SLC25A23: variants seen among roughly 807,000 people sequenced by gnomAD.
The protein encoded by SLC25A23 is mitochondrial adenyl nucleotide antiporter SLC25A23.
In SLC25A23, 32 loss-of-function variants were observed where a neutral mutation model predicts 53.9. The observed-to-expected ratio is 0.59, with a 90% confidence interval of 0.45 to 0.80. The LOEUF is 0.80. Ranked by LOEUF, SLC25A23 falls within the 30% of genes least tolerant of loss-of-function variation. The probability of loss-of-function intolerance (pLI) is 0.00; values close to 1 mark genes in which losing one functional copy is unlikely to be tolerated. For synonymous variants in SLC25A23, 275 were observed against 264.5 expected (o/e 1.04, Z -0.38); for missense variants, 575 against 651.4 (o/e 0.88, Z 1.28).
chr19:6,444,061 A>G, intron 9 of SLC25A23, 90 bp downstream of exon 9: 1 of 1,376,070 alleles, frequency 7.3e-7, no homozygotes, highest in South Asian at 1.6e-5. Context: ...ATCGAAATCC[A>G]GGAGGGTCCC....
At chr19:6,446,085 G>A (rs140868534) in intron 8 of SLC25A23, among the ~76,000 whole-genome samples, 32 of 138,312 alleles carry the variant, frequency 2.3e-4, no homozygotes, top group African/African-American at 9.1e-4. Context: ...AAAAAAGGTC[G>A]GGCCTGGCGT....
At position 6,444,224 on chromosome 19, in the gene SLC25A23, A is replaced by G; in HGVS notation, c.1149T>C (p.Gly383=). 6.2e-7 allele frequency: 1 copy of G among 1,603,010 alleles called. No homozygotes were observed. The highest frequency in any genetic ancestry group is 8.5e-7 in the Non-Finnish European group (1 of 1,175,558). ...DPGILVLLAC[G]TISSTCGQIA... ...TCTGGCCGCAGGTGCTGGATATGGT[A>G]CCGCAGGCCAGGAGCACGAGGATGC... Residue 383 remains glycine (G), a synonymous_variant, in exon 9 of 10, where the codon GGT becomes GGC. Transcript: ENST00000301454.
intron 2 of SLC25A23, 54 bp from the exon 3 acceptor site, chr19:6,457,644 A>T: frequency 6.8e-7 from 1 of 1,471,020 alleles, no homozygotes. Context: ...CACCTGGGGA[A>T]CCCCAGGACC....
chr19:6,445,088 C>A (rs1410566495), intron 8 of SLC25A23, among the ~76,000 whole-genome samples: 1 of 151,114 alleles, frequency 6.6e-6, no homozygotes, highest in South Asian at 2.1e-4. Flanking sequence ...CAGGCATGAG[C>A]CACCATGCCT....
chr19:6,447,654 G>A (rs1225731253), intron 8 of SLC25A23, among the ~76,000 whole-genome samples: 3 of 150,746 alleles, frequency 2.0e-5, no homozygotes, highest in East Asian at 2.0e-4. Flanking sequence ...ACAGGCATGT[G>A]CCACCAGGCT....
In SLC25A23 at chr19:6,455,911, G is replaced by C. The variant is rs768011257; in HGVS notation, c.483+509C>G. On this transcript the variant is annotated intron_variant, in intron 4 of 9. Transcript: ENST00000301454. ...TTTTTTTAATATTTTTGTAGAGACG[G>C]GGTTTCACCATGTTAGCCAGGATGG... 222 of 714,444 alleles carry C rather than the reference G, an allele frequency of 3.1e-4. 2 individuals are homozygous for C. The highest frequency in any genetic ancestry group is 3.1e-4 in the Non-Finnish European group (149 of 483,324). The allele number at this position is 714,444 out of a possible 1,614,324, so 44.3% of individuals were successfully genotyped here.
intron 8 of SLC25A23, among the ~76,000 whole-genome samples, chr19:6,449,069 C>T (rs2092548688): frequency 6.6e-6 from 1 of 151,614 alleles, no homozygotes; most frequent in African/African-American, 2.4e-5. Context: ...TTAATGTGGC[C>T]AGCACTGGGT....
In SLC25A23 at chr19:6,454,523, C is replaced by T. The variant is rs1031555067; in HGVS notation, c.642+36G>A. On this transcript the variant is annotated intron_variant, in intron 5 of 9. Coordinates refer to ENST00000301454, the MANE Select transcript of SLC25A23 (RefSeq NM_024103.3). This position sits in a 1 kb window ranked among gnomAD's most constrained non-coding sequence, Gnocchi z 4.3. ...GGAGGTCCCCTCCCAGGTGTCAGGCCTGGGGGAGGGGGCAGGTCTCTCCAG... is the reference window on the plus strand; with the variant it reads ...GGAGGTCCCCTCCCAGGTGTCAGGCTTGGGGGAGGGGGCAGGTCTCTCCAG... 5 of 1,613,246 alleles carry T rather than the reference C, an allele frequency of 3.1e-6. No individual in the cohort carries two copies. Among genetic ancestry groups the T allele is most frequent in the East Asian group, 2.2e-5 (1 of 44,860 alleles).
In SLC25A23 at chr19:6,454,257, G is replaced by A. The variant is rs994603636; in HGVS notation, c.795+66C>T. 7.2e-5 allele frequency: 112 copies of A among 1,561,880 alleles called. No homozygotes were observed. The highest frequency in any genetic ancestry group is 9.2e-5 in the Non-Finnish European group (106 of 1,150,934). On this transcript the variant is annotated intron_variant, in intron 6 of 9. Transcript: ENST00000301454. This position sits in a 1 kb window ranked among gnomAD's most constrained non-coding sequence, Gnocchi z 4.3. ...CACCACCCACCCCCAAGCCAATCCC[G>A]TAAATCTTTATGTACAGCCCAGTCT...
In SLC25A23 at chr19:6,459,522, T is replaced by A; in HGVS notation, c.107A>T (p.Gln36Leu). 1.3e-6 allele frequency: 2 copies of A among 1,597,754 alleles called. No homozygotes were observed. Among genetic ancestry groups the A allele is most frequent in the Non-Finnish European group, 1.7e-6 (2 of 1,176,740 alleles). The change falls in exon 1 of 10, where the codon CAG becomes CTG. Residue 36 changes from glutamine to leucine, a missense_variant. Coordinates refer to ENST00000301454, the MANE Select transcript of SLC25A23 (RefSeq NM_024103.3). The surrounding 1 kb of genome is among the most constrained non-coding windows in gnomAD (Gnocchi z 4.6). The part of the protein sequence containing the change: ...DGRVDVHELR[Q>L]GLARLGGGNP... ...GCCCCCGCCCAGCCTGGCCAGCCCC[T>A]GGCGCAACTCGTGCACGTCCACGCG... is the stretch of plus-strand genomic sequence containing the variant.
intron 8 of SLC25A23, among the ~76,000 whole-genome samples, chr19:6,448,701 T>C (rs772710): frequency 8.6e-5 from 13 of 151,720 alleles, no homozygotes; most frequent in Non-Finnish European, 1.3e-4. Flanking sequence ...GATCTCTTGA[T>C]CTTGTGATCC....
rs1158865482 is a variant in SLC25A23 at position 6,457,559 on chromosome 19, ACT to A, written c.313_314del (p.Ser105PhefsTer14). On this transcript the variant is annotated frameshift_variant, in exon 3 of 10. Transcript: ENST00000301454. LOFTEE classifies it high-confidence loss of function. ...AGATGGAAATGCCCAGAGCTCGGAA[ACT>A]CTGTTGGATCTCAGAGACATCAATG... The part of the protein sequence containing the change: ...GHIDVSEIQQ[S>X]FRALGISISL... 1 of 1,613,952 alleles carries A rather than the reference ACT, an allele frequency of 6.2e-7. No individual in the cohort carries two copies. Among genetic ancestry groups the A allele is most frequent in the Non-Finnish European group, 8.5e-7 (1 of 1,179,980 alleles).
At chr19:6,452,216 C>T in intron 8 of SLC25A23, 96 bp downstream of exon 8, 1 of 1,501,332 alleles carries the variant, frequency 6.7e-7, no homozygotes, top group Non-Finnish European at 9.0e-7. Flanking sequence ...CTAACTATAG[C>T]AGGTCAACTG....
chr19:6,454,528 G>A lies in SLC25A23; in HGVS notation c.642+31C>T. 6.2e-7 allele frequency: 1 copy of A among 1,613,252 alleles called. No individual in the cohort carries two copies. Among genetic ancestry groups the A allele is most frequent in the South Asian group, 1.1e-5 (1 of 91,050 alleles). ...TCCCCTCCCAGGTGTCAGGCCTGGGGGAGGGGGCAGGTCTCTCCAGAGCCC... is the reference window on the plus strand; with the variant it reads ...TCCCCTCCCAGGTGTCAGGCCTGGGAGAGGGGGCAGGTCTCTCCAGAGCCC... On this transcript the variant is annotated intron_variant, in intron 5 of 9. Coordinates refer to ENST00000301454, the MANE Select transcript of SLC25A23 (RefSeq NM_024103.3). The surrounding 1 kb of genome is among the most constrained non-coding windows in gnomAD (Gnocchi z 4.3).
Position 6,454,694 on chromosome 19 carries a change from C to T in SLC25A23, c.507G>A (p.Leu169=), listed in dbSNP as rs561256810. 1.2e-6 allele frequency: 2 copies of T among 1,614,048 alleles called. No individual in the cohort carries two copies. Among genetic ancestry groups the T allele is most frequent in the Non-Finnish European group, 8.5e-7 (1 of 1,180,026 alleles). Residue 169 remains leucine, a synonymous_variant, in exon 5 of 10, where the codon CTG becomes CTA. Coordinates refer to ENST00000301454, the MANE Select transcript of SLC25A23 (RefSeq NM_024103.3). The surrounding 1 kb of genome is among the most constrained non-coding windows in gnomAD (Gnocchi z 4.3). ...GCTTTGAGAACTCGTCCGGCACTGTCAGGCACTCGCCAATGTCCAGGACCT... is the reference window on the plus strand; with the variant it reads ...GCTTTGAGAACTCGTCCGGCACTGTTAGGCACTCGCCAATGTCCAGGACCT... ...HSTVLDIGEC[L]TVPDEFSKQE...
intron 4 of SLC25A23, among the ~76,000 whole-genome samples, chr19:6,455,248 G>C (rs1264457013): frequency 6.6e-6 from 1 of 152,052 alleles, no homozygotes; most frequent in African/African-American, 2.4e-5. Context: ...TTTCAGCCTG[G>C]GAAACAGAGT....
intron 8 of SLC25A23, among the ~76,000 whole-genome samples, chr19:6,447,797 G>A (rs984560308): frequency 6.6e-6 from 1 of 152,114 alleles, no homozygotes; most frequent in Admixed American, 6.6e-5. Context: ...TAGCCTCCCA[G>A]GTAGCTGGGA....
At chr19:6,458,385 G>T in intron 1 of SLC25A23, 61 bp from the exon 2 acceptor site, 2 of 1,564,178 alleles carry the variant, frequency 1.3e-6, no homozygotes, top group South Asian at 1.2e-5. Context: ...TGGAGGGGAC[G>T]CATGTCACCT....
At chr19:6,455,521 G>A (rs565438228) in intron 4 of SLC25A23, among the ~76,000 whole-genome samples, 129 of 151,994 alleles carry the variant, frequency 8.5e-4, no homozygotes, top group Non-Finnish European at 1.6e-3. Flanking sequence ...CCCATGAATC[G>A]TCTGGGGTGG....
Sources: gnomAD v4.1 joint callset for allele counts (sites outside exome capture counted in the v4.1 genomes callset) on GRCh38, gnomAD v4.1.1 for gene constraint, Gnocchi (gnomAD v3.1) non-coding constraint, MANE v1.5 for transcripts, NCBI Gene and HGNC (gene_info 2026-07-23, HGNC 2026-07-21) for gene names.